TRDN: variants seen among roughly 807,000 people sequenced by gnomAD.
TRDN encodes triadin in skeletal muscle.
In TRDN, 161 loss-of-function variants were observed where a neutral mutation model predicts 149.7. That is an observed-to-expected ratio of 1.08 (90% CI 0.95 to 1.23). The LOEUF is 1.23. TRDN is among the 50% of genes most tolerant of loss of function. TRDN has a pLI of 0.00. For synonymous variants in TRDN, 294 were observed against 250.5 expected, an observed-to-expected ratio of 1.17 and a Z score of -1.64; for missense variants, 896 against 823.5, an observed-to-expected ratio of 1.09 and a Z score of -1.08.
At chr6:123,543,249 C>G (rs1301705186) in intron 4 of TRDN, among the ~76,000 whole-genome samples, 2 of 152,130 alleles carry the variant, frequency 1.3e-5, no homozygotes, top group Non-Finnish European at 2.9e-5. Context: ...AGCAATACCA[C>G]ATCAAAACTC....
chr6:123,585,636 G>A (rs1008825841), intron 1 of TRDN, among the ~76,000 whole-genome samples: 129 of 152,262 alleles, frequency 8.5e-4, no homozygotes, highest in African/African-American at 2.5e-3. Flanking sequence ...AGTGGCTGCC[G>A]GGTGAGTTGG....
chr6:123,581,793 A>G (rs1301389522), intron 1 of TRDN, among the ~76,000 whole-genome samples: 1 of 152,214 alleles, frequency 6.6e-6, no homozygotes, highest in Non-Finnish European at 1.5e-5. Context: ...AAGAAAGCAT[A>G]TATTCAGTAA....
At chr6:123,255,030 A>G (rs950248110) in intron 37 of TRDN, 51 bp downstream of exon 37, 1 of 1,007,142 alleles carries the variant, frequency 9.9e-7, no homozygotes, top group African/African-American at 1.6e-5. Context: ...AAGCAACAAC[A>G]TAATTCATAT....
At chr6:123,610,462 C>T (rs11962026) in intron 1 of TRDN, among the ~76,000 whole-genome samples, 2 of 152,144 alleles carry the variant, frequency 1.3e-5, no homozygotes, top group Non-Finnish European at 2.9e-5. Flanking sequence ...TACTGAATGC[C>T]TTCTATGTAC....
chr6:123,502,369 A>T (rs1475171884), intron 8 of TRDN: 1 of 720,012 alleles, frequency 1.4e-6, no homozygotes, highest in African/African-American at 1.9e-5. Context: ...CACCTTGAAA[A>T]TTGGAAAAAG....
intron 9 of TRDN, among the ~76,000 whole-genome samples, chr6:123,485,326 T>G (rs1777927389): frequency 6.6e-6 from 1 of 152,144 alleles, no homozygotes; most frequent in Non-Finnish European, 1.5e-5. Context: ...TTTGCAATGT[T>G]TAGAAATCTG....
At chr6:123,468,402 A>C (rs1776957795) in intron 9 of TRDN, among the ~76,000 whole-genome samples, 1 of 152,144 alleles carries the variant, frequency 6.6e-6, no homozygotes, top group Admixed American at 6.6e-5. Context: ...GGGCTGGCTT[A>C]TTTCCATAAT....
At chr6:123,261,851 A>G (rs1461889488) in intron 33 of TRDN, among the ~76,000 whole-genome samples, 1 of 151,946 alleles carries the variant, frequency 6.6e-6, no homozygotes, top group Non-Finnish European at 1.5e-5. Context: ...ATTACAAACT[A>G]TACTAGAGAA....
intron 13 of TRDN, chr6:123,389,413 A>C (rs1170180496): frequency 6.6e-6 from 1 of 152,180 alleles, no homozygotes; most frequent in Non-Finnish European, 1.5e-5. Context: ...AACACTTAGA[A>C]AACACTTAGA....
intron 20 of TRDN, among the ~76,000 whole-genome samples, chr6:123,361,708 T>C (rs142887407): frequency 2.0e-5 from 3 of 152,322 alleles, no homozygotes; most frequent in African/African-American, 4.8e-5. Context: ...TTGAAAATTA[T>C]TAATATATTA....
At chr6:123,243,378 G>T (rs945834775) in intron 38 of TRDN, among the ~76,000 whole-genome samples, 6 of 151,982 alleles carry the variant, frequency 3.9e-5, no homozygotes, top group Non-Finnish European at 8.8e-5. Flanking sequence ...AACAAAACAA[G>T]AAAATATGAT....
intron 1 of TRDN, among the ~76,000 whole-genome samples, chr6:123,596,854 T>C (rs1363694062): frequency 2.0e-5 from 3 of 152,100 alleles, no homozygotes; most frequent in African/African-American, 7.2e-5. Flanking sequence ...TCTTTCAAAA[T>C]ATTTCTGCTT....
chr6:123,221,040 A>T (rs1449265258), intron 40 of TRDN, among the ~76,000 whole-genome samples: 1 of 151,824 alleles, frequency 6.6e-6, no homozygotes, highest in Admixed American at 6.6e-5. Context: ...AACCTACCAT[A>T]CATCTAGCAA....
chr6:123,308,137 T>C (rs539065764), intron 24 of TRDN, among the ~76,000 whole-genome samples: 1 of 152,206 alleles, frequency 6.6e-6, no homozygotes, highest in East Asian at 1.9e-4. Context: ...CCTGCACTGA[T>C]TCACTTAGGA....
At chr6:123,268,050 G>A (rs1448770187) in intron 31 of TRDN, among the ~76,000 whole-genome samples, 1 of 152,084 alleles carries the variant, frequency 6.6e-6, no homozygotes, top group Non-Finnish European at 1.5e-5. Flanking sequence ...AGGAGAATAA[G>A]AATATTGTTT....
At chr6:123,254,220 C>T (rs1776473129) in intron 37 of TRDN, among the ~76,000 whole-genome samples, 1 of 151,916 alleles carries the variant, frequency 6.6e-6, no homozygotes, top group African/African-American at 2.4e-5. Context: ...AAAAATTGTG[C>T]CCCTATATTA....
intron 38 of TRDN, among the ~76,000 whole-genome samples, chr6:123,235,082 C>A (rs6569330): frequency 0.83 from 126,674 of 152,028 alleles, 53,528 homozygotes; most frequent in African/African-American, 0.95. Flanking sequence ...TATTTATAAC[C>A]AATTAGATGA....
In TRDN at chr6:123,448,734, C is replaced by A. The variant is rs1187468643; in HGVS notation, c.932-9731G>T. ...AGCTGATGCTCTCTGGAAAGCACCA[C>A]CTCCTGCACTTTGGTGCAGGAGGCC... On this transcript the variant is annotated intron_variant, in intron 10 of 40. Transcript: ENST00000334268. Among the ~76,000 whole-genome samples, 10 of 152,236 alleles carry A rather than the reference C, an allele frequency of 6.6e-5. No homozygotes were observed. In the East Asian group the frequency reaches 1.9e-3, roughly 30 times the overall value.
intron 13 of TRDN, among the ~76,000 whole-genome samples, chr6:123,390,326 C>A (rs1427819725): frequency 6.6e-6 from 1 of 152,116 alleles, no homozygotes; most frequent in African/African-American, 2.4e-5. Context: ...TGTTAAATTA[C>A]AACAAATTTT....
Sources: gnomAD v4.1 joint callset for allele counts (sites outside exome capture counted in the v4.1 genomes callset) on GRCh38, gnomAD v4.1.1 for gene constraint, MANE v1.5 for transcripts, NCBI Gene and HGNC (gene_info 2026-07-23, HGNC 2026-07-21) for gene names.